PAX5: variants seen among roughly 807,000 people sequenced by gnomAD.
PAX5 encodes paired box protein Pax-5.
In PAX5, 9 loss-of-function variants were observed where a neutral mutation model predicts 43.7. That is an observed-to-expected ratio of 0.21 (90% CI 0.12 to 0.36). The LOEUF (loss-of-function observed/expected upper bound fraction) is 0.36, where lower values mean the gene tolerates loss of function less well. PAX5 is among the 10% of genes least tolerant of loss of function. The pLI, the probability that PAX5 is intolerant of heterozygous loss-of-function variation, is 1.00. For synonymous variants in PAX5, 228 were observed against 214.3 expected, an observed-to-expected ratio of 1.06 and a Z score of -0.56; for missense variants, 383 against 532.7, an observed-to-expected ratio of 0.72 and a Z score of 2.77.
chr9:36,991,077 C>A (rs1424868848), intron 5 of PAX5, among the ~76,000 whole-genome samples: 1 of 150,468 alleles, frequency 6.6e-6, no homozygotes, highest in Non-Finnish European at 1.5e-5. Context: ...CCTCTGCACT[C>A]CAGCCTGGGC....
intron 1 of PAX5, among the ~76,000 whole-genome samples, chr9:37,022,869 G>A (rs1226167014): frequency 6.6e-6 from 1 of 152,144 alleles, no homozygotes; most frequent in Non-Finnish European, 1.5e-5. Flanking sequence ...TGACCTGGGA[G>A]CCTGTTACCT....
chr9:36,939,936 G>A (rs1831904307), intron 6 of PAX5, among the ~76,000 whole-genome samples: 2 of 152,256 alleles, frequency 1.3e-5, no homozygotes, highest in Non-Finnish European at 2.9e-5. Flanking sequence ...TCGACGCGGG[G>A]CCTCACTGGA....
chr9:36,935,239 G>A (rs139906062), intron 6 of PAX5, among the ~76,000 whole-genome samples: 2 of 152,272 alleles, frequency 1.3e-5, no homozygotes, highest in African/African-American at 4.8e-5. Context: ...AATTAGCCGG[G>A]CATGGTGGTG....
chr9:36,854,362 CTGTG>C (rs1461681029), intron 8 of PAX5, among the ~76,000 whole-genome samples: 1 of 152,190 alleles, frequency 6.6e-6, no homozygotes, highest in Non-Finnish European at 1.5e-5. Context: ...TATAATGTAT[CTGTG>C]TATGTATACG....
At chr9:36,888,775 C>T (rs373307506) in intron 7 of PAX5, among the ~76,000 whole-genome samples, 8 of 152,250 alleles carry the variant, frequency 5.3e-5, no homozygotes, top group African/African-American at 1.9e-4. Flanking sequence ...GACCTCCAGG[C>T]AGCTCTGCAG....
At chr9:36,843,095 T>C (rs964731737) in intron 9 of PAX5, among the ~76,000 whole-genome samples, 7 of 151,032 alleles carry the variant, frequency 4.6e-5, no homozygotes, top group African/African-American at 1.2e-4. Context: ...TGTGTGTGCG[T>C]GTGTGTGTGT....
intron 7 of PAX5, among the ~76,000 whole-genome samples, chr9:36,920,634 C>A (rs13298990): frequency 6.6e-6 from 1 of 151,984 alleles, no homozygotes; most frequent in African/African-American, 2.4e-5. Context: ...GATTTTGGAT[C>A]GCTTTGGATT....
rs575548254 is a variant in PAX5, at chr9:36,970,860, C to T, written c.605-4136G>A. Among the ~76,000 whole-genome samples the T allele has an allele frequency of 1.1e-4, 17 of 152,320 alleles. No homozygotes were observed. The East Asian group carries it at 2.1e-3, about 19-fold the overall frequency. ...TTCTCCCTTATTTTAGGAACCACAT[C>T]CCCTGGGCCCTTCACTCCCACACTG... On this transcript the variant is annotated intron_variant, in intron 5 of 9. Coordinates refer to ENST00000358127, the MANE Select transcript of PAX5 (RefSeq NM_016734.3).
chr9:36,917,672 C>T (rs1829829449), intron 7 of PAX5, among the ~76,000 whole-genome samples: 2 of 152,152 alleles, frequency 1.3e-5, no homozygotes, highest in Admixed American at 1.3e-4. Flanking sequence ...GAGGCATGTG[C>T]ATAAATGGCA....
chr9:36,914,201 T>C (rs983894068), intron 7 of PAX5, among the ~76,000 whole-genome samples: 2 of 152,248 alleles, frequency 1.3e-5, no homozygotes. Context: ...GAAATCCGTT[T>C]ACAAGTATTT....
chr9:36,948,897 T>C (rs1453387541), intron 6 of PAX5, among the ~76,000 whole-genome samples: 2 of 152,020 alleles, frequency 1.3e-5, no homozygotes, highest in Non-Finnish European at 2.9e-5. Flanking sequence ...TGACCCTGAC[T>C]CTCTGCCCTG....
At chr9:36,846,427 G>A (rs1483760851) in intron 9 of PAX5, among the ~76,000 whole-genome samples, 1 of 152,196 alleles carries the variant, frequency 6.6e-6, no homozygotes, top group African/African-American at 2.4e-5. Context: ...TATCAAGGTG[G>A]TCTCCAGGCA....
chr9:36,945,170 C>T (rs1356220573), intron 6 of PAX5, among the ~76,000 whole-genome samples: 2 of 152,134 alleles, frequency 1.3e-5, no homozygotes, highest in Non-Finnish European at 2.9e-5. Flanking sequence ...GGGACAGGTA[C>T]AGCCACATTC....
intron 1 of PAX5, among the ~76,000 whole-genome samples, chr9:37,029,181 A>C (rs959509509): frequency 6.6e-6 from 1 of 152,248 alleles, no homozygotes; most frequent in Non-Finnish European, 1.5e-5. Flanking sequence ...TGTAAGGAAG[A>C]GTACAGGCTG....
intron 1 of PAX5, among the ~76,000 whole-genome samples, chr9:37,033,149 G>A (rs185982474): frequency 6.6e-6 from 1 of 152,360 alleles, no homozygotes; most frequent in African/African-American, 2.4e-5. Context: ...TGCCACAGGA[G>A]ACCTGTTTGT....
At chr9:36,925,089 G>A (rs920539700) in intron 6 of PAX5, among the ~76,000 whole-genome samples, 1 of 152,080 alleles carries the variant, frequency 6.6e-6, no homozygotes, top group Admixed American at 6.5e-5. Context: ...AGGAGCCACT[G>A]GGTGGCAGGC....
In PAX5 at chr9:36,833,649, A is replaced by G; in HGVS notation, c.*6911T>C. ...TCTTTGGCAAATTGGCACTGCTGTA[A>G]TTACATTCAAATATTATTACACACA... On this transcript the variant is annotated 3_prime_UTR_variant, in exon 10 of 10. Coordinates refer to ENST00000358127, the MANE Select transcript of PAX5 (RefSeq NM_016734.3). 4.3e-6 allele frequency: 1 copy of G among 233,076 alleles called. No homozygotes were observed. 14.4% of individuals were successfully genotyped at this position (233,076 alleles called of 1,614,324 possible).
chr9:36,917,413 C>T (rs1456408776), intron 7 of PAX5, among the ~76,000 whole-genome samples: 2 of 152,222 alleles, frequency 1.3e-5, no homozygotes, highest in Admixed American at 6.5e-5. Context: ...CCAACCACCA[C>T]GACTATGTGG....
chr9:37,010,226 C>T (rs529318534), intron 3 of PAX5, among the ~76,000 whole-genome samples: 1 of 152,306 alleles, frequency 6.6e-6, no homozygotes, highest in South Asian at 2.1e-4. Context: ...CCAAATTGCC[C>T]GTCCCTTACC....
Sources: allele counts gnomAD v4.1 joint callset (sites outside exome capture counted in the v4.1 genomes callset), GRCh38; gene constraint gnomAD v4.1.1; transcripts MANE v1.5; gene names NCBI Gene and HGNC (gene_info 2026-07-23, HGNC 2026-07-21).